LRRC4C: variants seen among roughly 807,000 people sequenced by gnomAD.
LRRC4C encodes the protein leucine rich repeat containing 4C.
In LRRC4C, 5 loss-of-function variants were observed where a neutral mutation model predicts 33.6. The observed-to-expected ratio is 0.15, with a 90% CI of 0.08 to 0.31. LRRC4C has a LOEUF of 0.31. LRRC4C is among the 10% of genes least tolerant of loss of function. LRRC4C has a pLI of 1.00. For missense variants in LRRC4C, 560 were observed against 796.7 expected, an observed-to-expected ratio of 0.70 and a Z score of 3.58; for synonymous variants, 329 against 302.0, an observed-to-expected ratio of 1.09 and a Z score of -0.93.
intron 3 of LRRC4C, among the ~76,000 whole-genome samples, chr11:40,561,075 A>G (rs766638801): frequency 2.0e-5 from 3 of 152,200 alleles, no homozygotes; most frequent in Non-Finnish European, 2.9e-5. Context: ...TATCATCACA[A>G]AAATTGATAT....
chr11:40,259,196 G>A (rs533793987), intron 4 of LRRC4C, among the ~76,000 whole-genome samples: 1 of 151,898 alleles, frequency 6.6e-6, no homozygotes, highest in South Asian at 2.1e-4. Context: ...TTTTTTGGCT[G>A]CATAAATGTC....
intron 3 of LRRC4C, among the ~76,000 whole-genome samples, chr11:40,430,212 C>T (rs1478847830): frequency 6.8e-6 from 1 of 146,156 alleles, no homozygotes; most frequent in Non-Finnish European, 1.5e-5. Flanking sequence ...AATCACTGTG[C>T]AGTAGGGGGG....
chr11:40,409,084 C>T (rs1565359786), intron 3 of LRRC4C, among the ~76,000 whole-genome samples: 1 of 151,712 alleles, frequency 6.6e-6, no homozygotes, highest in Non-Finnish European at 1.5e-5. Flanking sequence ...AATAGAGAGC[C>T]CAGAAATCCA....
intron 2 of LRRC4C, among the ~76,000 whole-genome samples, chr11:40,709,867 C>G (rs1281689935): frequency 6.6e-6 from 1 of 152,166 alleles, no homozygotes; most frequent in Non-Finnish European, 1.5e-5. Flanking sequence ...TCCCATATTT[C>G]TTGGAGGCTT....
intron 1 of LRRC4C, among the ~76,000 whole-genome samples, chr11:41,153,076 A>C (rs1345335278): frequency 6.6e-6 from 1 of 152,090 alleles, no homozygotes; most frequent in Non-Finnish European, 1.5e-5. Flanking sequence ...TAGCTTCCTA[A>C]GCCCTTAATT....
intron 1 of LRRC4C, among the ~76,000 whole-genome samples, chr11:41,058,351 G>A (rs1049183808): frequency 6.6e-6 from 1 of 152,228 alleles, no homozygotes; most frequent in Admixed American, 6.5e-5. Flanking sequence ...AGCACCTGTA[G>A]CTGCCTGCCC....
chr11:41,225,293 T>A (rs1947480514), intron 1 of LRRC4C, among the ~76,000 whole-genome samples: 1 of 151,474 alleles, frequency 6.6e-6, no homozygotes, highest in South Asian at 2.1e-4. Flanking sequence ...ACTAAAAGAG[T>A]TACAAACTGG....
chr11:40,747,641 T>C lies in LRRC4C; in HGVS notation c.-406-99363A>G, dbSNP rs1483911157. ...AAAAGCTAGTGAGATACCAAAATAA[T>C]TCTTAAGAGCAACACAAAAATCAGA... On this transcript the variant is annotated intron_variant, in intron 2 of 6. Coordinates refer to ENST00000528697, the MANE Select transcript of LRRC4C (RefSeq NM_001258419.2). Among the ~76,000 whole-genome samples, 4 of 152,034 alleles carry C rather than the reference T, an allele frequency of 2.6e-5. No individual in the cohort carries two copies. The East Asian group carries it at 5.8e-4, about 22-fold the overall frequency.
intron 3 of LRRC4C, among the ~76,000 whole-genome samples, chr11:40,505,791 T>C (rs1955005284): frequency 1.3e-5 from 2 of 152,138 alleles, no homozygotes; most frequent in Admixed American, 1.3e-4. Context: ...CGAAGCCCAA[T>C]AATACCTCTC....
intron 1 of LRRC4C, among the ~76,000 whole-genome samples, chr11:41,121,967 A>G (rs1249071899): frequency 1.3e-5 from 2 of 152,098 alleles, no homozygotes; most frequent in African/African-American, 4.8e-5. Context: ...ATCCACACAA[A>G]TGGTAGGGGA....
intron 2 of LRRC4C, among the ~76,000 whole-genome samples, chr11:40,664,140 A>G (rs1943592893): frequency 1.3e-5 from 2 of 152,234 alleles, no homozygotes; most frequent in African/African-American, 4.8e-5. Flanking sequence ...TTGGAACTGA[A>G]TGTCAATGAG....
intron 3 of LRRC4C, among the ~76,000 whole-genome samples, chr11:40,633,345 C>CTT (rs1354038103): frequency 2.6e-5 from 1 of 39,114 alleles, no homozygotes; most frequent in Non-Finnish European, 4.9e-5. Flanking sequence ...TTCTTTCTTT[C>CTT]TTTCTTTCTT....
intron 4 of LRRC4C, among the ~76,000 whole-genome samples, chr11:40,268,409 G>A (rs1942445595): frequency 6.6e-6 from 1 of 151,822 alleles, no homozygotes; most frequent in Admixed American, 6.6e-5. Flanking sequence ...AAATCTCTTG[G>A]GACTTTGAAT....
At chr11:41,369,649 G>A (rs545904071) in intron 1 of LRRC4C, among the ~76,000 whole-genome samples, 4 of 152,246 alleles carry the variant, frequency 2.6e-5, no homozygotes, top group African/African-American at 9.6e-5. Context: ...TTTGAGTATT[G>A]TTGAGAACTG....
intron 4 of LRRC4C, among the ~76,000 whole-genome samples, chr11:40,280,533 C>A (rs1943404307): frequency 6.6e-6 from 1 of 152,134 alleles, no homozygotes; most frequent in Non-Finnish European, 1.5e-5. Context: ...CTTCCCTTGG[C>A]AGGAAAGTAA....
chr11:40,461,629 G>C (rs898329631), intron 3 of LRRC4C, among the ~76,000 whole-genome samples: 2 of 150,288 alleles, frequency 1.3e-5, no homozygotes, highest in African/African-American at 4.9e-5. Flanking sequence ...TCAGTGCCTA[G>C]AACATATAAT....
chr11:41,047,638 G>A (rs1430715602), intron 1 of LRRC4C, among the ~76,000 whole-genome samples: 1 of 152,120 alleles, frequency 6.6e-6, no homozygotes, highest in African/African-American at 2.4e-5. Flanking sequence ...GTGCTTTGAT[G>A]ACCCCATTCC....
At chr11:41,325,827 A>C (rs902860043) in intron 1 of LRRC4C, among the ~76,000 whole-genome samples, 3 of 152,104 alleles carry the variant, frequency 2.0e-5, no homozygotes, top group African/African-American at 7.2e-5. Context: ...GTTTTACTCA[A>C]ACTTTTATAA....
chr11:40,890,760 T>C (rs1432498380), intron 2 of LRRC4C, among the ~76,000 whole-genome samples: 3 of 152,046 alleles, frequency 2.0e-5, no homozygotes, highest in Non-Finnish European at 4.4e-5. Context: ...TGTTATGACA[T>C]TAAGTATGTC....
Sources: allele counts gnomAD v4.1 joint callset (sites outside exome capture counted in the v4.1 genomes callset), GRCh38; gene constraint gnomAD v4.1.1; transcripts MANE v1.5; gene names NCBI Gene and HGNC (gene_info 2026-07-23, HGNC 2026-07-21).